The following MDFIC variants were observed in gnomAD, a reference collection of about 807,000 sequenced individuals.
MDFIC encodes the protein myoD family inhibitor domain-containing protein.
Under a neutral mutation model 23.2 loss-of-function variants are expected in MDFIC, and 17 were observed. That is an observed-to-expected ratio of 0.73 (90% CI 0.50 to 1.10). MDFIC has a LOEUF of 1.10. Among genes scored for constraint, MDFIC ranks in the 50% least tolerant of loss-of-function variants. The pLI is 0.00. For missense variants in MDFIC, 356 were observed against 316.6 expected, an observed-to-expected ratio of 1.12 and a Z score of -0.95; for synonymous variants, 120 against 115.2, an observed-to-expected ratio of 1.04 and a Z score of -0.27.
intron 3 of MDFIC, among the ~76,000 whole-genome samples, chr7:114,949,140 T>C (rs1792710358): frequency 6.6e-6 from 1 of 152,210 alleles, no homozygotes; most frequent in African/African-American, 2.4e-5. Context: ...TACCTTTCAC[T>C]TTTATTATAT....
rs966664453 is a variant in MDFIC, at chr7:115,016,087, TAACCA to T, written c.*155_*159del. 2.8e-5 allele frequency: 20 copies of T among 724,396 alleles called. No homozygotes were observed. Among genetic ancestry groups the T allele is most frequent in the African/African-American group, 2.3e-4 (13 of 56,164 alleles). 44.9% of individuals were successfully genotyped at this position (724,396 alleles called of 1,614,324 possible). ...GTAATCTCTGAAAGCCTTTTTACTT[TAACCA>T]AATCTACATGGTTTAATATGTGAAA... On this transcript the variant is annotated 3_prime_UTR_variant, in exon 5 of 5. Coordinates refer to ENST00000393486, the MANE Select transcript of MDFIC (RefSeq NM_001166345.3).
intron 3 of MDFIC, among the ~76,000 whole-genome samples, chr7:114,951,870 T>C (rs1213334551): frequency 2.6e-5 from 4 of 152,164 alleles, no homozygotes; most frequent in African/African-American, 9.7e-5. Flanking sequence ...TAGAACCAGC[T>C]ACATGATTCA....
chr7:114,958,270 C>G (rs1206629337), intron 3 of MDFIC, among the ~76,000 whole-genome samples: 1 of 152,162 alleles, frequency 6.6e-6, no homozygotes, highest in African/African-American at 2.4e-5. Flanking sequence ...TCTGTGGAAA[C>G]TAATTAGGAT....
At chr7:115,001,195 A>G (rs1235784587) in intron 4 of MDFIC, among the ~76,000 whole-genome samples, 1 of 152,232 alleles carries the variant, frequency 6.6e-6, no homozygotes, top group Non-Finnish European at 1.5e-5. Flanking sequence ...CTACAAATAA[A>G]TAGTAGTTGT....
At chr7:114,962,740 G>A (rs995361922) in intron 3 of MDFIC, among the ~76,000 whole-genome samples, 29 of 152,256 alleles carry the variant, frequency 1.9e-4, no homozygotes, top group Middle Eastern at 3.4e-3. Context: ...CCAGATTTAC[G>A]AAATTAGACA....
intron 3 of MDFIC, among the ~76,000 whole-genome samples, chr7:114,950,065 A>G (rs1159139695): frequency 6.6e-6 from 1 of 152,206 alleles, no homozygotes; most frequent in Non-Finnish European, 1.5e-5. Flanking sequence ...GATAGAAAGT[A>G]TTGAAGGGAG....
chr7:114,934,717 CAACA>C (rs1792391105), intron 2 of MDFIC, among the ~76,000 whole-genome samples: 1 of 152,170 alleles, frequency 6.6e-6, no homozygotes, highest in South Asian at 2.1e-4. Flanking sequence ...TTGATTTACT[CAACA>C]AACATTTATA....
intron 3 of MDFIC, among the ~76,000 whole-genome samples, chr7:114,963,551 G>T (rs540920055): frequency 6.6e-6 from 1 of 152,234 alleles, no homozygotes; most frequent in South Asian, 2.1e-4. Flanking sequence ...TATACTAGTT[G>T]CCATAATTTA....
intron 4 of MDFIC, among the ~76,000 whole-genome samples, chr7:114,993,182 G>A (rs554905102): frequency 2.2e-4 from 34 of 152,236 alleles, no homozygotes; most frequent in African/African-American, 6.7e-4. Flanking sequence ...GTATTTCTGT[G>A]GGATCAGTGG....
chr7:114,988,563 T>G (rs1361446700), intron 4 of MDFIC, among the ~76,000 whole-genome samples: 1 of 152,146 alleles, frequency 6.6e-6, no homozygotes, highest in African/African-American at 2.4e-5. Context: ...CAGAGCTAAA[T>G]CTGGGTAGAT....
At chr7:114,980,725 C>A (rs922412641) in intron 4 of MDFIC, among the ~76,000 whole-genome samples, 1 of 152,124 alleles carries the variant, frequency 6.6e-6, no homozygotes, top group African/African-American at 2.4e-5. Context: ...CCTTATTCCC[C>A]TTTCCTTTCT....
At chr7:114,988,606 G>T (rs926069636) in intron 4 of MDFIC, among the ~76,000 whole-genome samples, 2 of 152,166 alleles carry the variant, frequency 1.3e-5, no homozygotes, top group Non-Finnish European at 2.9e-5. Flanking sequence ...ATTATTCTGA[G>T]CAGGACTGTC....
At chr7:114,989,761 A>G (rs1167020623) in intron 4 of MDFIC, among the ~76,000 whole-genome samples, 2 of 152,186 alleles carry the variant, frequency 1.3e-5, no homozygotes, top group Non-Finnish European at 2.9e-5. Flanking sequence ...GATTTGGTAC[A>G]AGGACACGTA....
At chr7:114,944,996 G>A (rs1326246010) in intron 3 of MDFIC, among the ~76,000 whole-genome samples, 3 of 152,246 alleles carry the variant, frequency 2.0e-5, no homozygotes, top group African/African-American at 7.2e-5. Flanking sequence ...GCTGGCTGGG[G>A]TGTGGGAACA....
chr7:114,964,236 A>G (rs187948407), intron 3 of MDFIC, among the ~76,000 whole-genome samples: 2 of 152,286 alleles, frequency 1.3e-5, no homozygotes, highest in East Asian at 3.9e-4. Context: ...GACCTTATGA[A>G]TTATGTGCAT....
intron 2 of MDFIC, among the ~76,000 whole-genome samples, chr7:114,926,324 TAC>T (rs1792189014): frequency 6.6e-6 from 1 of 152,212 alleles, no homozygotes; most frequent in African/African-American, 2.4e-5. Context: ...CAAGGTCTCA[TAC>T]ACAGTCAGTA....
At chr7:114,967,829 T>A (rs1793131130) in intron 3 of MDFIC, among the ~76,000 whole-genome samples, 1 of 76,170 alleles carries the variant, frequency 1.3e-5, no homozygotes, top group Admixed American at 2.3e-4. Context: ...TTCTTTCTTT[T>A]CTTTTTTTTT....
At chr7:114,965,490 T>A (rs192624999) in intron 3 of MDFIC, among the ~76,000 whole-genome samples, 17 of 152,304 alleles carry the variant, frequency 1.1e-4, no homozygotes, top group African/African-American at 2.6e-4. Flanking sequence ...GAGACCAAGA[T>A]AACCTAGATA....
intron 3 of MDFIC, among the ~76,000 whole-genome samples, chr7:114,978,707 C>T (rs996209391): frequency 2.0e-5 from 3 of 151,876 alleles, no homozygotes; most frequent in African/African-American, 4.8e-5. Context: ...TTTGAATGTT[C>T]CCCAGAACAT....
Sources: gnomAD v4.1 joint callset for allele counts (sites outside exome capture counted in the v4.1 genomes callset) on GRCh38, gnomAD v4.1.1 for gene constraint, MANE v1.5 for transcripts, NCBI Gene and HGNC (gene_info 2026-07-23, HGNC 2026-07-21) for gene names.